The following INF2 variants were observed in gnomAD, a reference collection of about 807,000 sequenced individuals.
INF2 encodes inverted formin-2.
Under a neutral mutation model 123.5 loss-of-function variants are expected in INF2, and 43 were observed. That is an observed-to-expected ratio of 0.35 (90% CI 0.27 to 0.45). The LOEUF (loss-of-function observed/expected upper bound fraction) is 0.45, where lower values mean the gene tolerates loss of function less well. Ranked by LOEUF, INF2 falls within the 20% of genes least tolerant of loss-of-function variation. The probability of loss-of-function intolerance (pLI) is 1.00; values close to 1 mark genes in which losing one functional copy is unlikely to be tolerated. For synonymous variants in INF2, 851 were observed against 745.0 expected, an observed-to-expected ratio of 1.14 and a Z score of -2.32; for missense variants, 1,453 against 1,682.7, an observed-to-expected ratio of 0.86 and a Z score of 2.39.
chr14:104,684,194 C>T lies in INF2; in HGVS notation c.-104+2612C>T. 1 of 452,816 alleles carries T rather than the reference C, an allele frequency of 2.2e-6. No individual in the cohort carries two copies. The highest frequency in any genetic ancestry group is 4.5e-6 in the Non-Finnish European group (1 of 224,468). The allele number at this position is 452,816 out of a possible 1,614,324, so 28.0% of individuals were successfully genotyped here. On this transcript the variant is annotated intron_variant, in intron 1 of 2. Transcript: ENST00000674723. This position sits in a 1 kb window ranked among gnomAD's most constrained non-coding sequence, Gnocchi z 5.0. The stretch of plus-strand genomic sequence containing the variant: ...GGAAACAGCACGCATCCCATCTGGA[C>T]TCCCACCAGACAACTGAGGCAACCG...
In INF2 at chr14:104,707,936, G is replaced by A. The variant is rs1479711863; in HGVS notation, c.1669G>A (p.Val557Met). The change falls in exon 8 of 23, where the codon GTG becomes ATG. Residue 557 changes from valine (V) to methionine (M), a missense_variant. Val to Met is a conservative substitution (Grantham distance 21). Around this residue, in one of 8 missense-constraint regions of INF2, gnomAD observed 192 missense variants for 274.4 expected, o/e 0.70. Coordinates refer to ENST00000392634, the MANE Select transcript of INF2 (RefSeq NM_022489.4). ...AGCATGGGTCCCCAGCCATCGGCGG[G>A]TGAACCCACCCACACTGCGCATGAA... ...GSAWVPSHRRVNPPTLRMKKL... is the reference protein window; with the variant it reads ...GSAWVPSHRRMNPPTLRMKKL... 1.3e-6 allele frequency: 2 copies of A among 1,599,710 alleles called. No homozygotes were observed. Among genetic ancestry groups the A allele is most frequent in the African/African-American group, 2.7e-5 (2 of 74,864 alleles).
chr14:104,715,990 G>A (rs1000977579), intron 22 of INF2: 1 of 455,556 alleles, frequency 2.2e-6, no homozygotes, highest in African/African-American at 2.0e-5. Context: ...TCTTCTGGGG[G>A]GCGACCAGCC....
chr14:104,706,976 A>T lies in INF2; in HGVS notation c.910A>T (p.Thr304Ser). 6.3e-7 allele frequency: 1 copy of T among 1,596,958 alleles called. No individual in the cohort carries two copies. Among genetic ancestry groups the T allele is most frequent in the Non-Finnish European group, 8.5e-7 (1 of 1,177,914 alleles). Reference protein sequence around the residue: ...VLQGLLHLEPTLRSSQLLWEA... With the variant: ...VLQGLLHLEPSLRSSQLLWEA... ...GCAGGGCCTCCTGCACCTGGAGCCC[A>T]CCCTCCGCTCCAGCCAGCTGCTCTG... Residue 304 changes from threonine to serine, a missense_variant, in exon 7 of 23, where the codon ACC becomes TCC. Physicochemically the swap from Thr to Ser is moderately conservative, Grantham distance 58. Transcript: ENST00000392634.
At chr14:104,712,381 C>T (rs1290515411) in intron 16 of INF2, 52 bp from the exon 17 acceptor site, 21 of 1,608,156 alleles carry the variant, frequency 1.3e-5, no homozygotes, top group South Asian at 4.4e-5. Context: ...CCTGTCCCAG[C>T]GAGGCTGACG....
intron 4 of INF2, among the ~76,000 whole-genome samples, 195 bp downstream of exon 4, chr14:104,703,649 A>G (rs950321261): frequency 3.3e-5 from 5 of 152,160 alleles, no homozygotes; most frequent in African/African-American, 1.2e-4. Flanking sequence ...CTGGGGGTCA[A>G]CCCTGGACCG....
chr14:104,707,102 G>T, intron 7 of INF2, 51 bp downstream of exon 7: 1 of 1,539,110 alleles, frequency 6.5e-7, no homozygotes, highest in Non-Finnish European at 8.7e-7. Context: ...CAGACACTGA[G>T]GTCTTAGACC....
chr14:104,681,699 C>A, intron 1 of INF2: 2 of 819,684 alleles, frequency 2.4e-6, no homozygotes, highest in Non-Finnish European at 3.5e-6. Context: ...CCTGAGGTCC[C>A]GGAGGGCAGC....
chr14:104,717,286 T>C (rs1595183817), intron 22 of INF2, among the ~76,000 whole-genome samples: 4 of 95,030 alleles, frequency 4.2e-5, no homozygotes, highest in African/African-American at 4.2e-5. Flanking sequence ...TGCGCTGCCG[T>C]CCTCCCAGTC....
intron 5 of INF2, among the ~76,000 whole-genome samples, chr14:104,705,792 G>T (rs868755092): frequency 1.3e-5 from 2 of 152,338 alleles, no homozygotes; most frequent in South Asian, 4.1e-4. Context: ...CCCCAGGGGC[G>T]TGCGGGTGCC....
chr14:104,717,304 C>CCT (rs1335068736), intron 22 of INF2, among the ~76,000 whole-genome samples: 2 of 133,624 alleles, frequency 1.5e-5, no homozygotes, highest in Non-Finnish European at 3.2e-5. Context: ...GTCCCCCCCC[C>CCT]GGGCAGGGCG....
At chr14:104,684,731 G>A (rs757722867), upstream of INF2, 2 of 152,340 alleles carry the variant, frequency 1.3e-5, no homozygotes, top group Admixed American at 6.5e-5. The surrounding 1 kb of genome is among the most constrained non-coding windows in gnomAD (Gnocchi z 5.0). Flanking sequence ...GCAGCAGCTC[G>A]ATCTGTGACA....
intron 8 of INF2, 99 bp from the exon 9 acceptor site, chr14:104,708,337 G>T: frequency 6.8e-7 from 1 of 1,470,222 alleles, no homozygotes; most frequent in Non-Finnish European, 9.3e-7. Flanking sequence ...CCCCAGGCAG[G>T]ACATCCTTTA....
chr14:104,713,058 T>C lies in INF2; in HGVS notation c.2775+66T>C, dbSNP rs550803501. The C allele has an allele frequency of 1.7e-3, 2,800 of 1,608,522 alleles. 9 individuals are homozygous for C. Among genetic ancestry groups the C allele is most frequent in the Non-Finnish European group, 2.0e-3 (2,369 of 1,178,402 alleles). ...GGGGTCCCGAGGCCCCTGGCCTTCCTCCGGCAGGATGGGCAGAGGCACCTT... is the reference window on the plus strand; with the variant it reads ...GGGGTCCCGAGGCCCCTGGCCTTCCCCCGGCAGGATGGGCAGAGGCACCTT... On this transcript the variant is annotated intron_variant, in intron 18 of 22. Coordinates refer to ENST00000392634, the MANE Select transcript of INF2 (RefSeq NM_022489.4).
upstream of INF2, chr14:104,689,501 AGCCACCCACCT>A: frequency 2.0e-5 from 2 of 100,354 alleles, no homozygotes; most frequent in Non-Finnish European, 3.2e-5. Flanking sequence ...GGCCACCCCC[AGCCACCCACCT>A]CCCCCCCCAG....
exon 1 of INF2, chr14:104,681,191 T>C (rs892673335): frequency 1.9e-4 from 59 of 316,464 alleles, no homozygotes; most frequent in African/African-American, 1.2e-3. Flanking sequence ...CAGGAGGAAA[T>C]GGGGCGGGCG....
At chr14:104,715,851 G>A (rs1472356708) in intron 22 of INF2, 10 of 458,704 alleles carry the variant, frequency 2.2e-5, no homozygotes, top group South Asian at 7.7e-5. Flanking sequence ...TGAGGAGACC[G>A]GGACAGTCGC....
In INF2 at chr14:104,712,540, C is replaced by T; in HGVS notation, c.2597C>T (p.Thr866Ile). Residue 866 changes from threonine to isoleucine, a missense_variant, in exon 17 of 23, where the codon ACC becomes ATC. Physicochemically the swap from Thr to Ile is moderately conservative, Grantham distance 89. Around this residue, in one of 8 missense-constraint regions of INF2, gnomAD observed 212 missense variants for 266.2 expected, o/e 0.80. Transcript: ENST00000392634. The part of the protein sequence containing the change: ...ASVAEVQEQY[T>I]ERLQASISAF... ...GTGGCCGAGGTCCAGGAGCAGTACA[C>T]CGAGCGCCTCCAGGCAAGTGGGCAC... The T allele has an allele frequency of 6.2e-7, 1 of 1,612,678 alleles. No individual in the cohort carries two copies. The highest frequency in any genetic ancestry group is 1.1e-5 in the South Asian group (1 of 91,086).
Position 104,715,280 on chromosome 14 carries a change from G to C in INF2, c.3695-4G>C, listed in dbSNP as rs757575999. ...TTGAGTGCGTTTCTTTTATTTGGAAGCAGAGGTTCCCCCTGATTCTGATGA... is the reference window on the plus strand; with the variant it reads ...TTGAGTGCGTTTCTTTTATTTGGAACCAGAGGTTCCCCCTGATTCTGATGA... On this transcript the variant is annotated splice_region_variant and splice_polypyrimidine_tract_variant and intron_variant, in intron 21 of 22. Coordinates refer to ENST00000392634, the MANE Select transcript of INF2 (RefSeq NM_022489.4). 6.2e-6 allele frequency: 10 copies of C among 1,613,358 alleles called. No individual in the cohort carries two copies. Among genetic ancestry groups the C allele is most frequent in the Non-Finnish European group, 8.5e-6 (10 of 1,179,514 alleles).
chr14:104,705,087 C>G (rs550115629), intron 5 of INF2, among the ~76,000 whole-genome samples: 2 of 152,330 alleles, frequency 1.3e-5, no homozygotes, highest in South Asian at 2.1e-4. Context: ...GGGAAATCAG[C>G]TTGGAGGAGC....
Sources: gnomAD v4.1 joint callset for allele counts (sites outside exome capture counted in the v4.1 genomes callset) on GRCh38, gnomAD v4.1.1 for gene constraint, gnomAD v4.1.1 regional missense constraint, Gnocchi (gnomAD v3.1) non-coding constraint, MANE v1.5 for transcripts, NCBI Gene and HGNC (gene_info 2026-07-23, HGNC 2026-07-21) for gene names.